Variants in CRPPA observed in about 807,000 individuals in gnomAD.
CRPPA encodes the protein CDP-L-ribitol pyrophosphorylase A, also known as D-ribitol-5-phosphate cytidylyltransferase.
A neutral mutation model predicts 52.0 loss-of-function variants in CRPPA; 43 were observed. That is an observed-to-expected ratio of 0.83 (90% CI 0.65 to 1.07). CRPPA has a LOEUF of 1.07. Ranked by LOEUF, CRPPA falls within the 50% of genes least tolerant of loss-of-function variation. CRPPA has a pLI of 0.00. For missense variants in CRPPA, 629 were observed against 551.7 expected (o/e 1.14, Z -1.40); for synonymous variants, 250 against 203.5 (o/e 1.23, Z -1.94).
intron 8 of CRPPA, among the ~76,000 whole-genome samples, chr7:16,225,946 G>A (rs1327518449): frequency 1.3e-5 from 2 of 151,654 alleles, no homozygotes; most frequent in African/African-American, 4.8e-5. Context: ...AGAAGATGAG[G>A]TATTCAGAAT....
chr7:16,273,041 T>A (rs1784124235), intron 6 of CRPPA, among the ~76,000 whole-genome samples: 1 of 151,944 alleles, frequency 6.6e-6, no homozygotes. Context: ...TGTATACATG[T>A]GCCATGCTGG....
chr7:16,276,254 GA>G (rs1408446699), intron 6 of CRPPA, among the ~76,000 whole-genome samples: 2 of 151,878 alleles, frequency 1.3e-5, no homozygotes, highest in East Asian at 1.9e-4. Flanking sequence ...TAACCAAACA[GA>G]AAAAAACTAA....
intron 9 of CRPPA, among the ~76,000 whole-genome samples, chr7:16,190,709 C>T (rs1781591770): frequency 6.6e-6 from 1 of 151,972 alleles, no homozygotes; most frequent in Non-Finnish European, 1.5e-5. Flanking sequence ...TTTTAGTGCA[C>T]CCATCACCCA....
chr7:16,164,612 T>C lies in CRPPA; in HGVS notation c.1251+51454A>G, dbSNP rs185419292. ...ATTCTGGTTTTCGGACTTTTCAGCC[T>C]TTTTGCACTGGTTTTTCCTCATCTT... On this transcript the variant is annotated intron_variant, in intron 9 of 9. Transcript: ENST00000407010. Among the ~76,000 whole-genome samples the C allele has an allele frequency of 3.1e-3, 475 of 151,836 alleles. 3 individuals carry two copies. Among genetic ancestry groups the C allele is most frequent in the African/African-American group, 0.011 (448 of 41,108 alleles).
At chr7:16,194,167 G>A (rs1781676276) in intron 9 of CRPPA, among the ~76,000 whole-genome samples, 1 of 152,112 alleles carries the variant, frequency 6.6e-6, no homozygotes, top group Admixed American at 6.6e-5. Context: ...TAGTCCCGGA[G>A]GAAACCTAAT....
chr7:16,383,806 G>A (rs1255760460), intron 2 of CRPPA, among the ~76,000 whole-genome samples: 2 of 152,214 alleles, frequency 1.3e-5, no homozygotes, highest in African/African-American at 2.4e-5. Flanking sequence ...AGCCATGTGC[G>A]GGATATAATC....
chr7:16,234,445 CG>C (rs1440876468), intron 8 of CRPPA, among the ~76,000 whole-genome samples: 8 of 151,964 alleles, frequency 5.3e-5, no homozygotes, highest in Non-Finnish European at 1.0e-4. Context: ...AAATAAAAAA[CG>C]TTTTTCTAAA....
chr7:16,266,552 C>T (rs1330391070), intron 6 of CRPPA, among the ~76,000 whole-genome samples: 6 of 151,020 alleles, frequency 4.0e-5, no homozygotes, highest in African/African-American at 1.2e-4. Context: ...CATCTTGGCT[C>T]ACTGCAACCT....
intron 6 of CRPPA, among the ~76,000 whole-genome samples, chr7:16,273,083 T>C (rs10270644): frequency 5.6e-4 from 85 of 151,532 alleles, no homozygotes; most frequent in African/African-American, 2.0e-3. Flanking sequence ...TCATTTAGCA[T>C]TAGGTATATC....
intron 9 of CRPPA, among the ~76,000 whole-genome samples, chr7:16,093,818 GATCA>G (rs1781884990): frequency 6.6e-6 from 1 of 152,050 alleles, no homozygotes; most frequent in South Asian, 2.1e-4. Flanking sequence ...CATTCTTAAT[GATCA>G]ATTAATTATA....
intron 2 of CRPPA, among the ~76,000 whole-genome samples, chr7:16,404,471 C>T (rs1217880857): frequency 1.3e-5 from 2 of 151,938 alleles, no homozygotes; most frequent in African/African-American, 4.8e-5. Flanking sequence ...CTTCTTTTGC[C>T]TTTTACAACA....
chr7:16,409,288 G>A (rs1410561379), intron 1 of CRPPA, among the ~76,000 whole-genome samples: 1 of 152,188 alleles, frequency 6.6e-6, no homozygotes, highest in Non-Finnish European at 1.5e-5. Context: ...CCTTGACACA[G>A]CTCAGTGAAA....
intron 3 of CRPPA, among the ~76,000 whole-genome samples, chr7:16,342,636 C>T (rs936689544): frequency 2.0e-5 from 3 of 150,276 alleles, no homozygotes; most frequent in South Asian, 4.2e-4. Flanking sequence ...TGCACAAGGC[C>T]GGGCACAGTG....
At chr7:16,321,066 T>C (rs1237797716) in intron 3 of CRPPA, among the ~76,000 whole-genome samples, 1 of 152,118 alleles carries the variant, frequency 6.6e-6, no homozygotes, top group Non-Finnish European at 1.5e-5. Context: ...CTTATCAGTT[T>C]ATTCAAATTT....
At chr7:16,288,882 A>G (rs1236488188) in intron 5 of CRPPA, among the ~76,000 whole-genome samples, 4 of 150,922 alleles carry the variant, frequency 2.7e-5, no homozygotes, top group Admixed American at 2.6e-4. Context: ...CCCAAAAACA[A>G]AAAACAAAAA....
intron 8 of CRPPA, among the ~76,000 whole-genome samples, chr7:16,239,573 A>AAAAAC: frequency 6.7e-6 from 1 of 149,870 alleles, no homozygotes; most frequent in Non-Finnish European, 1.5e-5. Context: ...AAAAAAAAAA[A>AAAAAC]AAAAAAAAAA....
intron 9 of CRPPA, among the ~76,000 whole-genome samples, chr7:16,164,496 A>G (rs1196650136): frequency 6.6e-6 from 1 of 152,154 alleles, no homozygotes; most frequent in Admixed American, 6.5e-5. Context: ...CACCTTCTGA[A>G]GCCTACTTCT....
At chr7:16,405,093 G>GT (rs1787919525) in intron 2 of CRPPA, among the ~76,000 whole-genome samples, 1 of 150,942 alleles carries the variant, frequency 6.6e-6, no homozygotes. Context: ...TCCTAAATAG[G>GT]TTTTAAAGGG....
At chr7:16,381,082 TA>T in intron 2 of CRPPA, among the ~76,000 whole-genome samples, 1 of 151,900 alleles carries the variant, frequency 6.6e-6, no homozygotes, top group South Asian at 2.1e-4. Context: ...ATTGTGATGT[TA>T]GGGTGTCAAT....
Sources: gnomAD v4.1 joint callset for allele counts (sites outside exome capture counted in the v4.1 genomes callset) on GRCh38, gnomAD v4.1.1 for gene constraint, MANE v1.5 for transcripts, NCBI Gene and HGNC (gene_info 2026-07-23, HGNC 2026-07-21) for gene names.